Variants in PTPRD observed in about 807,000 individuals in gnomAD.
The protein encoded by PTPRD is receptor-type tyrosine-protein phosphatase delta.
A neutral mutation model predicts 214.5 loss-of-function variants in PTPRD; 34 were observed. The observed-to-expected ratio is 0.16, with a 90% CI of 0.12 to 0.21. The LOEUF (loss-of-function observed/expected upper bound fraction) is 0.21. Among genes scored for constraint, PTPRD ranks in the 10% least tolerant of loss-of-function variants. The probability of loss-of-function intolerance (pLI) is 1.00; values close to 1 mark genes in which losing one functional copy is unlikely to be tolerated. For synonymous variants in PTPRD, 1,128 were observed against 845.7 expected (o/e 1.33, Z -5.79); for missense variants, 2,545 against 2,398.7 (o/e 1.06, Z -1.27).
At chr9:10,598,628 C>G (rs911252659) in intron 2 of PTPRD, among the ~76,000 whole-genome samples, 1 of 149,988 alleles carries the variant, frequency 6.7e-6, no homozygotes, top group African/African-American at 2.5e-5. Flanking sequence ...GGAGCCTCTT[C>G]TTCCTCATTA....
chr9:10,047,300 A>G (rs1222325455), intron 3 of PTPRD, among the ~76,000 whole-genome samples: 1 of 108,108 alleles, frequency 9.3e-6, no homozygotes, highest in Admixed American at 1.2e-4. Context: ...AAATGAAGAT[A>G]AAATCAACTA....
intron 7 of PTPRD, among the ~76,000 whole-genome samples, chr9:9,668,790 G>A (rs1382846631): frequency 5.9e-5 from 9 of 152,048 alleles, no homozygotes; most frequent in Non-Finnish European, 2.9e-5. Context: ...GGACACTGGT[G>A]TTCATAATCA....
chr9:9,566,794 C>T (rs964526847), intron 8 of PTPRD, among the ~76,000 whole-genome samples: 1 of 151,956 alleles, frequency 6.6e-6, no homozygotes, highest in Admixed American at 6.6e-5. Flanking sequence ...TATTGAAAAG[C>T]GTTTCTTCGG....
rs529978352 is a variant in PTPRD at position 10,249,178 on chromosome 9, C to T, written c.-545+91785G>A. 9.9e-5 allele frequency among the ~76,000 whole-genome samples: 15 copies of T among 152,212 alleles called. No individual in the cohort carries two copies. In the South Asian group the frequency reaches 3.1e-3, roughly 32 times the overall value. On this transcript the variant is annotated intron_variant, in intron 3 of 45. Coordinates refer to ENST00000381196, the MANE Select transcript of PTPRD (RefSeq NM_002839.4). ...CTATGCTTTTATCTCCCATCCTATA[C>T]TTGCACTGGGAAGGAGATAGAAAAA...
Position 8,317,798 on chromosome 9 carries a change from T to C in PTPRD, c.*76A>G. 1 of 1,317,306 alleles carries C rather than the reference T, an allele frequency of 7.6e-7. No individual in the cohort carries two copies. The highest frequency in any genetic ancestry group is 1.1e-6 in the Non-Finnish European group (1 of 921,030). The allele number at this position is 1,317,306 out of a possible 1,614,324, so 81.6% of individuals were successfully genotyped here. A position where few individuals can be genotyped will look rare whatever the true frequency, so the allele number is the denominator to read the frequency against. Reference sequence around the variant, plus strand: ...TAGAAGTTAAGAAGGACTTCTCAAGTGCCCTGTATGGCTCAGAAGAGACTC... The same window carrying C: ...TAGAAGTTAAGAAGGACTTCTCAAGCGCCCTGTATGGCTCAGAAGAGACTC... On this transcript the variant is annotated 3_prime_UTR_variant, in exon 46 of 46. Coordinates refer to ENST00000381196, the MANE Select transcript of PTPRD (RefSeq NM_002839.4).
Position 8,775,222 on chromosome 9 carries a change from A to T in PTPRD, c.-103-41276T>A, listed in dbSNP as rs151328476. On this transcript the variant is annotated intron_variant, in intron 11 of 45. Transcript: ENST00000381196. Reference sequence around the variant, plus strand: ...GTGAGGCATAATTTTTAAAAACAACATTTCAGGGGGGTCTTTTTTTCTGAT... The same window carrying T: ...GTGAGGCATAATTTTTAAAAACAACTTTTCAGGGGGGTCTTTTTTTCTGAT... Among the ~76,000 whole-genome samples the T allele has an allele frequency of 5.3e-5, 8 of 152,168 alleles. No homozygotes were observed. In the East Asian group the frequency reaches 1.5e-3, roughly 29 times the overall value.
intron 10 of PTPRD, among the ~76,000 whole-genome samples, chr9:9,114,720 A>G (rs961418837): frequency 3.9e-5 from 6 of 152,116 alleles, no homozygotes; most frequent in Non-Finnish European, 7.4e-5. Context: ...AAAAAAATCA[A>G]TGTAACCCTT....
In PTPRD at chr9:8,630,453, A is replaced by T. The variant is rs527912070; in HGVS notation, c.352+2864T>A. Among the ~76,000 whole-genome samples the T allele has an allele frequency of 2.0e-5, 3 of 151,916 alleles. No homozygotes were observed. The East Asian group carries it at 5.8e-4, about 29-fold the overall frequency. On this transcript the variant is annotated intron_variant, in intron 14 of 45. Coordinates refer to ENST00000381196, the MANE Select transcript of PTPRD (RefSeq NM_002839.4). ...ATTTAGAAGTTTTAAGCAAACAGTG[A>T]CTCCAGGAAACAAAAATAATTTCCA...
At chr9:9,341,005 C>T (rs574499527) in intron 9 of PTPRD, among the ~76,000 whole-genome samples, 1 of 151,966 alleles carries the variant, frequency 6.6e-6, no homozygotes, top group Non-Finnish European at 1.5e-5. Flanking sequence ...GGTATGTATA[C>T]AAAAGCTTTC....
chr9:9,474,284 G>A (rs1266660708), intron 8 of PTPRD, among the ~76,000 whole-genome samples: 2 of 151,938 alleles, frequency 1.3e-5, no homozygotes, highest in African/African-American at 4.8e-5. Flanking sequence ...ATTAATTTCT[G>A]ATTTCTGTAT....
intron 3 of PTPRD, among the ~76,000 whole-genome samples, chr9:10,112,961 G>A (rs2098703677): frequency 6.6e-6 from 1 of 152,162 alleles, no homozygotes; most frequent in African/African-American, 2.4e-5. Context: ...AGGTGTGAGG[G>A]ATGCTTGCCA....
Position 9,064,659 on chromosome 9 carries a change from C to A in PTPRD, c.-142-45924G>T, listed in dbSNP as rs539294990. 2.0e-5 allele frequency among the ~76,000 whole-genome samples: 3 copies of A among 152,278 alleles called. No homozygotes were observed. The East Asian group carries it at 5.8e-4, about 29-fold the overall frequency. ...CTTTCTTTAAAGATGACTGAGACTCCGAACTGAATACTGTTAGGCCAATGA... is the reference window on the plus strand; with the variant it reads ...CTTTCTTTAAAGATGACTGAGACTCAGAACTGAATACTGTTAGGCCAATGA... On this transcript the variant is annotated intron_variant, in intron 10 of 45. Transcript: ENST00000381196.
At chr9:8,819,090 A>G (rs1380185878) in intron 11 of PTPRD, among the ~76,000 whole-genome samples, 3 of 152,190 alleles carry the variant, frequency 2.0e-5, no homozygotes, top group African/African-American at 7.2e-5. Flanking sequence ...TCAAAATTAA[A>G]AACATAAAAA....
At chr9:9,692,441 G>A (rs1435690206) in intron 7 of PTPRD, among the ~76,000 whole-genome samples, 1 of 151,934 alleles carries the variant, frequency 6.6e-6, no homozygotes, top group Non-Finnish European at 1.5e-5. Flanking sequence ...CACTGTAGGT[G>A]TGTGGATTTG....
intron 5 of PTPRD, among the ~76,000 whole-genome samples, chr9:9,834,211 G>T: frequency 6.6e-6 from 1 of 152,030 alleles, no homozygotes; most frequent in South Asian, 2.1e-4. Context: ...CGGTCCCTCT[G>T]TTTGGGGTCC....
At chr9:8,323,796 T>A (rs1830801684) in intron 44 of PTPRD, among the ~76,000 whole-genome samples, 1 of 152,148 alleles carries the variant, frequency 6.6e-6, no homozygotes, top group African/African-American at 2.4e-5. Context: ...TTTAGAATAG[T>A]ACATAAACAA....
chr9:9,549,458 C>T (rs1569569190), intron 8 of PTPRD, among the ~76,000 whole-genome samples: 1 of 152,014 alleles, frequency 6.6e-6, no homozygotes, highest in African/African-American at 2.4e-5. Flanking sequence ...AAGATGCAAA[C>T]TGAAACCATC....
At chr9:10,274,438 C>A (rs2094572030) in intron 3 of PTPRD, among the ~76,000 whole-genome samples, 1 of 152,120 alleles carries the variant, frequency 6.6e-6, no homozygotes, top group Non-Finnish European at 1.5e-5. Flanking sequence ...TAGTTTCCTG[C>A]AACCATTAGT....
At chr9:10,453,277 T>G (rs528178950) in intron 2 of PTPRD, among the ~76,000 whole-genome samples, 78 of 151,708 alleles carry the variant, frequency 5.1e-4, no homozygotes, top group African/African-American at 1.8e-3. Context: ...TTGTTCTTTC[T>G]CAAGATTCTT....
Sources: allele counts gnomAD v4.1 joint callset (sites outside exome capture counted in the v4.1 genomes callset), GRCh38; gene constraint gnomAD v4.1.1; transcripts MANE v1.5; gene names NCBI Gene and HGNC (gene_info 2026-07-23, HGNC 2026-07-21).